Variants in PDE1C observed in about 807,000 individuals in gnomAD.
The protein encoded by PDE1C is phosphodiesterase 1C.
In PDE1C, 62 loss-of-function variants were observed where a neutral mutation model predicts 93.1. The ratio of observed to expected loss-of-function variants is 0.67; its 90% CI spans 0.54 to 0.82. The LOEUF is 0.82. PDE1C is among the 40% of genes least tolerant of loss of function. PDE1C has a pLI of 0.00. For synonymous variants in PDE1C, 325 were observed against 310.1 expected (o/e 1.05, Z -0.50); for missense variants, 742 against 884.6 (o/e 0.84, Z 2.04).
chr7:32,380,208 C>T (rs1380153403), intron 1 of PDE1C, among the ~76,000 whole-genome samples: 1 of 151,826 alleles, frequency 6.6e-6, no homozygotes, highest in African/African-American at 2.4e-5. Flanking sequence ...TATTGTCCTC[C>T]ACTTCCATCC....
chr7:31,634,299 A>G, the PDE1C span, among the ~76,000 whole-genome samples: 15 of 152,180 alleles, frequency 9.9e-5, no homozygotes, highest in Non-Finnish European at 1.8e-4. Context: ...AACCATGATT[A>G]TTATTAATGA....
chr7:32,275,447 T>C (rs1178370991), intron 1 of PDE1C, among the ~76,000 whole-genome samples: 1 of 152,138 alleles, frequency 6.6e-6, no homozygotes, highest in Non-Finnish European at 1.5e-5. Context: ...GACCACTCTC[T>C]CCATGGCCTA....
intron 2 of PDE1C, among the ~76,000 whole-genome samples, chr7:32,204,123 GC>G (rs1805234287): frequency 6.6e-6 from 1 of 152,074 alleles, no homozygotes; most frequent in Non-Finnish European, 1.5e-5. Flanking sequence ...AAACGAGAGG[GC>G]CCCTAAGTCA....
the PDE1C span, among the ~76,000 whole-genome samples, chr7:31,623,110 C>T: frequency 6.6e-6 from 1 of 152,168 alleles, no homozygotes; most frequent in African/African-American, 2.4e-5. Flanking sequence ...TGGCAATAAT[C>T]AGTAGCTTAC....
In PDE1C at chr7:32,155,474, G is replaced by A. The variant is rs75418933; in HGVS notation, c.308+14311C>T. 3.3e-3 allele frequency among the ~76,000 whole-genome samples: 500 copies of A among 152,244 alleles called. 4 individuals are homozygous for A. Among genetic ancestry groups the A allele is most frequent in the African/African-American group, 0.012 (483 of 41,544 alleles). On this transcript the variant is annotated intron_variant, in intron 3 of 18. Transcript: ENST00000396193. ...AGGGATAAGAGGAAAACTCTAGAAA[G>A]GAAAGAGAGAAACCACCTCAAAGGT...
intron 16 of PDE1C, among the ~76,000 whole-genome samples, chr7:31,776,737 C>T (rs1441414738): frequency 6.6e-6 from 1 of 151,812 alleles, no homozygotes; most frequent in African/African-American, 2.4e-5. Context: ...AAGGAAGAGG[C>T]CTGGAAGCCA....
rs1584899813 is a variant in PDE1C, at chr7:32,172,185, T to A, written c.137-2229A>T. Among the ~76,000 whole-genome samples, 3 of 151,970 alleles carry A rather than the reference T, an allele frequency of 2.0e-5. 1 individual carries two copies. Among genetic ancestry groups the A allele is most frequent in the Admixed American group, 1.3e-4 (2 of 15,250 alleles). The stretch of plus-strand genomic sequence containing the variant: ...ACCAATTGCCGTTGGCTTGTTCTGG[T>A]TATGTCTACCCAGATAAAAGAAAAA... On this transcript the variant is annotated intron_variant, in intron 2 of 18. Transcript: ENST00000396193.
intron 1 of PDE1C, among the ~76,000 whole-genome samples, chr7:32,235,339 G>A (rs1300097330): frequency 1.3e-5 from 2 of 151,604 alleles, no homozygotes; most frequent in African/African-American, 2.4e-5. Context: ...GAGAGGTCAA[G>A]CATATTAGAA....
chr7:32,398,426 T>C (rs1407719261), intron 1 of PDE1C, among the ~76,000 whole-genome samples: 3 of 151,624 alleles, frequency 2.0e-5, no homozygotes, highest in African/African-American at 7.3e-5. Flanking sequence ...TCTTGCTCTG[T>C]CACCCAGGGT....
intron 1 of PDE1C, among the ~76,000 whole-genome samples, chr7:32,237,329 C>T (rs561554799): frequency 1.3e-4 from 19 of 151,640 alleles, no homozygotes; most frequent in Admixed American, 5.9e-4. Flanking sequence ...CCTCGTGATC[C>T]GCCCATCTCG....
chr7:32,211,625 C>T (rs527290153), intron 1 of PDE1C, among the ~76,000 whole-genome samples: 1 of 151,606 alleles, frequency 6.6e-6, no homozygotes, highest in South Asian at 2.1e-4. Context: ...GAGGGAGGGA[C>T]GGAGGAAGAA....
At chr7:31,652,019 G>C in the PDE1C span, 13 of 1,602,830 alleles carry the variant, frequency 8.1e-6, no homozygotes, top group Admixed American at 1.2e-4. Context: ...TTAGGAGACC[G>C]GGCTCAGCAA....
In PDE1C at chr7:31,823,248, ACTGG is replaced by A. The variant is rs1285124535; in HGVS notation, c.1407-4_1407-1del. The A allele has an allele frequency of 3.7e-6, 6 of 1,601,720 alleles. No individual in the cohort carries two copies. The Admixed American group carries it at 5.3e-5, about 14-fold the overall frequency. ...CATCTGACGAGCTGATGCTATTCAAACTGGAAAACAAAAAAATCATACCAAAGAA... is the reference window on the plus strand; with the variant it reads ...CATCTGACGAGCTGATGCTATTCAAAAAAACAAAAAAATCATACCAAAGAA... On this transcript the variant is annotated splice_acceptor_variant and splice_polypyrimidine_tract_variant and intron_variant, in intron 13 of 17. Coordinates refer to ENST00000396191, the MANE Select transcript of PDE1C (RefSeq NM_001191057.4). LOFTEE classifies it high-confidence loss of function.
the PDE1C span, chr7:31,652,132 A>G: frequency 4.3e-5 from 44 of 1,034,924 alleles, no homozygotes; most frequent in African/African-American, 1.8e-4. Context: ...TGATTGTGCA[A>G]TCATTTCAGA....
chr7:32,159,782 A>C (rs1434845346), intron 3 of PDE1C, among the ~76,000 whole-genome samples: 1 of 151,266 alleles, frequency 6.6e-6, no homozygotes, highest in East Asian at 2.0e-4. Context: ...ATATCCGCCC[A>C]AAAACCGGAA....
At chr7:32,259,021 A>G (rs1163938262) in intron 1 of PDE1C, among the ~76,000 whole-genome samples, 2 of 152,168 alleles carry the variant, frequency 1.3e-5, no homozygotes, top group Non-Finnish European at 2.9e-5. Flanking sequence ...ATATCACTTC[A>G]TGGTTTGGAC....
Position 31,794,033 on chromosome 7 carries a change from TAGATAGATAGACAGAC to T in PDE1C, c.1891+14982_1891+14997del, listed in dbSNP as rs1443971960. 8.4e-4 allele frequency among the ~76,000 whole-genome samples: 88 copies of T among 105,388 alleles called. 1 individual carries two copies. Among genetic ancestry groups the T allele is most frequent in the Middle Eastern group, 9.4e-3 (2 of 212 alleles). The allele number at this position is 105,388 out of a possible 152,430, so 69.1% of individuals were successfully genotyped here. A position where few individuals can be genotyped will look rare whatever the true frequency, so the allele number is the denominator to read the frequency against. ...ATAGATAGATAGATAGATAGATAGA[TAGATAGATAGACAGAC>T]AGACAGACAGACAGACAGACAGACA... On this transcript the variant is annotated intron_variant, in intron 16 of 17. Coordinates refer to ENST00000396191, the MANE Select transcript of PDE1C (RefSeq NM_001191057.4).
intron 16 of PDE1C, among the ~76,000 whole-genome samples, chr7:31,803,031 C>T (rs1372573527): frequency 6.6e-6 from 1 of 151,704 alleles, no homozygotes; most frequent in Non-Finnish European, 1.5e-5. Context: ...ATTCCAAGTA[C>T]ACATTTATTA....
In PDE1C at chr7:32,035,015, C is replaced by T. The variant is rs117553141; in HGVS notation, c.128+16539G>A. ...ACAATCATACTCTATTATTTAAAGG[C>T]AAAGTTTAGTTTCTCCTCAGCCTAG... is the stretch of plus-strand genomic sequence containing the variant. On this transcript the variant is annotated intron_variant, in intron 2 of 17. Coordinates refer to ENST00000396191, the MANE Select transcript of PDE1C (RefSeq NM_001191057.4). Among the ~76,000 whole-genome samples the T allele has an allele frequency of 1.1e-3, 169 of 152,204 alleles. 1 individual carries two copies. Among genetic ancestry groups the T allele is most frequent in the Non-Finnish European group, 2.2e-3 (148 of 67,988 alleles).
Sources: gnomAD v4.1 joint callset for allele counts (sites outside exome capture counted in the v4.1 genomes callset) on GRCh38, gnomAD v4.1.1 for gene constraint, MANE v1.5 for transcripts, NCBI Gene and HGNC (gene_info 2026-07-23, HGNC 2026-07-21) for gene names.